The following ERAP1 variants were observed in gnomAD, a reference collection of about 807,000 sequenced individuals.
The protein encoded by ERAP1 is endoplasmic reticulum aminopeptidase 1.
A neutral mutation model predicts 103.7 loss-of-function variants in ERAP1; 86 were observed. That is an observed-to-expected ratio of 0.83 (90% confidence interval 0.70 to 0.99). The LOEUF is 0.99. ERAP1 is among the 50% of genes least tolerant of loss of function. ERAP1 has a pLI of 0.00. For synonymous variants in ERAP1, 398 were observed against 402.4 expected, an observed-to-expected ratio of 0.99 and a Z score of 0.13; for missense variants, 1,009 against 1,128.4, an observed-to-expected ratio of 0.89 and a Z score of 1.52.
chr5:96,811,523 G>C (rs993216930), upstream of ERAP1, among the ~76,000 whole-genome samples: 1 of 152,224 alleles, frequency 6.6e-6, no homozygotes, highest in African/African-American at 2.4e-5. Context: ...CAGAGACAGA[G>C]AATACCTCCA....
chr5:96,857,652 A>C, the ERAP1 span, among the ~76,000 whole-genome samples: 1 of 152,254 alleles, frequency 6.6e-6, no homozygotes, highest in East Asian at 1.9e-4. Flanking sequence ...TGTGAGTTTC[A>C]AATCTAGGCA....
chr5:96,883,763 A>G, the ERAP1 span: 1 of 1,596,500 alleles, frequency 6.3e-7, no homozygotes. Context: ...TCACTTGTGC[A>G]TTTTGGCTGG....
At chr5:96,771,937 A>G (rs901691588), downstream of ERAP1, 12 of 341,686 alleles carry the variant, frequency 3.5e-5, no homozygotes, top group Admixed American at 5.6e-4. Context: ...AAAAGCTTTT[A>G]AAAATATTAG....
chr5:96,813,440 G>A, the ERAP1 span, among the ~76,000 whole-genome samples: 2 of 151,946 alleles, frequency 1.3e-5, no homozygotes, highest in Non-Finnish European at 2.9e-5. Flanking sequence ...AGATCATGAG[G>A]GCAGGAGATC....
the ERAP1 span, chr5:96,879,650 C>A: frequency 6.4e-7 from 1 of 1,572,148 alleles, no homozygotes; most frequent in Non-Finnish European, 8.7e-7. Context: ...ACGAGATTAG[C>A]CTGGATATTA....
chr5:96,814,353 CAAGGATCAT>C, the ERAP1 span: 19 of 455,892 alleles, frequency 4.2e-5, no homozygotes, highest in Non-Finnish European at 7.9e-5. Flanking sequence ...TACCAGGAGG[CAAGGATCAT>C]GGGGGCAACT....
chr5:96,871,938 T>C, the ERAP1 span, among the ~76,000 whole-genome samples: 1 of 152,166 alleles, frequency 6.6e-6, no homozygotes, highest in Non-Finnish European at 1.5e-5. Flanking sequence ...ATTTACTAGG[T>C]GAATTTCCCC....
At chr5:96,875,225 T>C in the ERAP1 span, among the ~76,000 whole-genome samples, 2 of 151,962 alleles carry the variant, frequency 1.3e-5, no homozygotes, top group African/African-American at 2.4e-5. Context: ...CTTAGTTGGA[T>C]AGAAAGAGAT....
chr5:96,891,718 T>C, the ERAP1 span, among the ~76,000 whole-genome samples: 1 of 151,976 alleles, frequency 6.6e-6, no homozygotes, highest in Non-Finnish European at 1.5e-5. Context: ...GAAGTCAGAA[T>C]CAATTCCCAG....
At chr5:96,911,036 C>T in the ERAP1 span, among the ~76,000 whole-genome samples, 4 of 152,116 alleles carry the variant, frequency 2.6e-5, no homozygotes, top group African/African-American at 9.7e-5. Context: ...TTATATTATT[C>T]AAATGTCACT....
At chr5:96,810,107 G>A (rs1176531394), upstream of ERAP1, among the ~76,000 whole-genome samples, 1 of 152,206 alleles carries the variant, frequency 6.6e-6, no homozygotes, top group Non-Finnish European at 1.5e-5. Context: ...AGCTCACCCT[G>A]ACTCAGACTT....
chr5:96,857,928 G>A, the ERAP1 span, among the ~76,000 whole-genome samples: 2 of 152,134 alleles, frequency 1.3e-5, no homozygotes, highest in Non-Finnish European at 2.9e-5. Context: ...AAAGAAATAG[G>A]GTCAGAGGGA....
chr5:96,770,836 C>T (rs118026319), downstream of ERAP1, among the ~76,000 whole-genome samples: 191 of 152,196 alleles, frequency 1.3e-3, 4 homozygotes, highest in East Asian at 0.027. Context: ...CCCAATTTGC[C>T]TGTGTTTTGC....
At chr5:96,903,821 T>C in the ERAP1 span, among the ~76,000 whole-genome samples, 139 of 152,248 alleles carry the variant, frequency 9.1e-4, 1 homozygote, top group Non-Finnish European at 1.6e-3. Flanking sequence ...AAAATGATAT[T>C]TGGCAACTGT....
chr5:96,783,839 AC>A, intron 14 of ERAP1, 84 bp downstream of exon 14: 2 of 758,250 alleles, frequency 2.6e-6, no homozygotes, highest in Non-Finnish European at 3.8e-6. Context: ...ACACACACAC[AC>A]ACACACACAC....
At chr5:96,841,834 G>A in the ERAP1 span, among the ~76,000 whole-genome samples, 3 of 137,560 alleles carry the variant, frequency 2.2e-5, no homozygotes, top group Non-Finnish European at 3.1e-5. Flanking sequence ...GTGGTTTTCA[G>A]TTACATGGAT....
the ERAP1 span, among the ~76,000 whole-genome samples, chr5:96,818,072 G>A: frequency 1.5e-4 from 23 of 152,186 alleles, no homozygotes; most frequent in African/African-American, 5.1e-4. Context: ...AAGTAATATT[G>A]ATTGTAATTA....
the ERAP1 span, among the ~76,000 whole-genome samples, chr5:96,836,524 T>C: frequency 6.6e-6 from 1 of 152,180 alleles, no homozygotes; most frequent in Non-Finnish European, 1.5e-5. Flanking sequence ...TTTAACAAAA[T>C]TAAAGGGAGA....
chr5:96,838,373 T>C, the ERAP1 span, among the ~76,000 whole-genome samples: 4 of 152,198 alleles, frequency 2.6e-5, no homozygotes, highest in Non-Finnish European at 4.4e-5. Flanking sequence ...CTGGTGCCAG[T>C]AGTCCAAAGT....
Sources: gnomAD v4.1 joint callset for allele counts (sites outside exome capture counted in the v4.1 genomes callset) on GRCh38, gnomAD v4.1.1 for gene constraint, MANE v1.5 for transcripts, NCBI Gene and HGNC (gene_info 2026-07-23, HGNC 2026-07-21) for gene names.